PRKN: variants seen among roughly 807,000 people sequenced by gnomAD.
The protein encoded by PRKN is parkin RBR E3 ubiquitin protein ligase, also known as E3 ubiquitin-protein ligase parkin.
PRKN carries 56 observed loss-of-function variants against 59.5 expected under a neutral mutation model. The observed-to-expected ratio is 0.94, with a 90% confidence interval of 0.76 to 1.18. The LOEUF (loss-of-function observed/expected upper bound fraction) is 1.18. PRKN is among the 50% of genes most tolerant of loss of function. PRKN has a pLI of 0.00. For synonymous variants in PRKN, 250 were observed against 222.1 expected (o/e 1.13, Z -1.12); for missense variants, 657 against 596.4 (o/e 1.10, Z -1.06).
At chr6:161,622,595 T>C (rs1782947425) in intron 7 of PRKN, among the ~76,000 whole-genome samples, 1 of 152,146 alleles carries the variant, frequency 6.6e-6, no homozygotes. Context: ...CACCCCACAG[T>C]CCATGTGAGC....
intron 7 of PRKN, among the ~76,000 whole-genome samples, chr6:161,715,129 A>G (rs2128183584): frequency 6.6e-6 from 1 of 152,342 alleles, no homozygotes; most frequent in Admixed American, 6.5e-5. Context: ...TTTTATAACG[A>G]AAATGTGCAC....
At chr6:162,353,143 C>A (rs1472402579) in intron 2 of PRKN, among the ~76,000 whole-genome samples, 1 of 152,098 alleles carries the variant, frequency 6.6e-6, no homozygotes. Flanking sequence ...ATGCTCTCAA[C>A]CTCATCGTGT....
At chr6:162,067,675 G>T (rs1778395327) in intron 4 of PRKN, among the ~76,000 whole-genome samples, 1 of 152,186 alleles carries the variant, frequency 6.6e-6, no homozygotes, top group Non-Finnish European at 1.5e-5. Flanking sequence ...GAGCAATGGT[G>T]TAACGAATAT....
intron 1 of PRKN, among the ~76,000 whole-genome samples, chr6:162,488,738 G>A (rs115457054): frequency 6.6e-6 from 1 of 152,260 alleles, no homozygotes; most frequent in African/African-American, 2.4e-5. Context: ...GTTGGAAAAG[G>A]CCCCGACGCA....
At chr6:161,940,178 G>A (rs1469226079) in intron 6 of PRKN, among the ~76,000 whole-genome samples, 2 of 152,020 alleles carry the variant, frequency 1.3e-5, no homozygotes, top group South Asian at 2.1e-4. Context: ...TTATAGGCGT[G>A]AGCCACCACA....
At chr6:161,612,108 T>A (rs1782509572) in intron 7 of PRKN, among the ~76,000 whole-genome samples, 1 of 152,196 alleles carries the variant, frequency 6.6e-6, no homozygotes, top group African/African-American at 2.4e-5. Context: ...TATGAGAGGT[T>A]GGCTCATGAA....
At chr6:162,342,883 C>T (rs1332303043) in intron 2 of PRKN, among the ~76,000 whole-genome samples, 3 of 151,970 alleles carry the variant, frequency 2.0e-5, no homozygotes, top group Non-Finnish European at 4.4e-5. Flanking sequence ...TTTTATTTTC[C>T]AAGCAAACAC....
At chr6:162,644,374 G>A (rs1778083147) in intron 1 of PRKN, among the ~76,000 whole-genome samples, 2 of 152,140 alleles carry the variant, frequency 1.3e-5, no homozygotes, top group Non-Finnish European at 2.9e-5. Flanking sequence ...ACATGTACTT[G>A]CAGGATAAAA....
intron 9 of PRKN, among the ~76,000 whole-genome samples, chr6:161,435,056 T>G (rs116241970): frequency 0.012 from 1,843 of 152,230 alleles, 39 homozygotes; most frequent in African/African-American, 0.043. Context: ...TTTGGCCAAT[T>G]GCATTTTTGT....
rs1780142481 is a variant in PRKN at position 161,554,123 on chromosome 6, G to A, written c.934-5120C>T. Among the ~76,000 whole-genome samples the A allele has an allele frequency of 6.6e-6, 1 of 152,170 alleles. No homozygotes were observed. Among genetic ancestry groups the A allele is most frequent in the Non-Finnish European group, 1.5e-5 (1 of 68,026 alleles). On this transcript the variant is annotated intron_variant, in intron 8 of 11. Transcript: ENST00000366898. The surrounding 1 kb of genome is among the most constrained non-coding windows in gnomAD (Gnocchi z 4.5). ...ACTTAACATTTTCTGTTTTACCTCT[G>A]TTGCTCCTTTCTTCCACACTGGTTC...
At chr6:162,503,647 G>C (rs571583611) in intron 1 of PRKN, among the ~76,000 whole-genome samples, 17 of 152,256 alleles carry the variant, frequency 1.1e-4, no homozygotes, top group African/African-American at 4.1e-4. Context: ...GAATATAAAA[G>C]CCTTTTAACC....
At chr6:162,413,120 G>A (rs950224858) in intron 2 of PRKN, among the ~76,000 whole-genome samples, 9 of 152,246 alleles carry the variant, frequency 5.9e-5, no homozygotes, top group South Asian at 4.1e-4. Context: ...TAATAGGTAA[G>A]ACCAGTCTGG....
At chr6:162,687,434 T>C (rs762911972) in intron 1 of PRKN, among the ~76,000 whole-genome samples, 9 of 152,102 alleles carry the variant, frequency 5.9e-5, no homozygotes, top group Non-Finnish European at 1.2e-4. Flanking sequence ...TCCACCCGCC[T>C]TGGCCTCCCA....
At chr6:162,683,543 T>A (rs997842159) in intron 1 of PRKN, among the ~76,000 whole-genome samples, 2 of 152,172 alleles carry the variant, frequency 1.3e-5, no homozygotes, top group African/African-American at 2.4e-5. Context: ...TCACAGATCA[T>A]TAGCAAAGTA....
At chr6:162,185,281 T>TA (rs1431432899) in intron 4 of PRKN, among the ~76,000 whole-genome samples, 1 of 152,154 alleles carries the variant, frequency 6.6e-6, no homozygotes, top group Non-Finnish European at 1.5e-5. Flanking sequence ...AAGGTAAACT[T>TA]ACTTTTTCCC....
At chr6:162,709,331 A>C (rs1288986668) in intron 1 of PRKN, among the ~76,000 whole-genome samples, 2 of 151,740 alleles carry the variant, frequency 1.3e-5, no homozygotes, top group Non-Finnish European at 2.9e-5. Context: ...AAGGTTGGAG[A>C]CTACTGTCTT....
intron 1 of PRKN, among the ~76,000 whole-genome samples, chr6:162,688,045 T>C (rs1423797227): frequency 6.6e-6 from 1 of 152,212 alleles, no homozygotes; most frequent in African/African-American, 2.4e-5. Context: ...GGGTACTTTT[T>C]AGAATTATTC....
intron 2 of PRKN, among the ~76,000 whole-genome samples, chr6:162,397,350 C>A (rs1787525382): frequency 6.6e-6 from 1 of 152,094 alleles, no homozygotes; most frequent in African/African-American, 2.4e-5. Context: ...TCTAGGCCAA[C>A]ATTAATGCCA....
chr6:162,289,498 G>A (rs9347612), intron 2 of PRKN, among the ~76,000 whole-genome samples: 1 of 151,660 alleles, frequency 6.6e-6, no homozygotes, highest in African/African-American at 2.4e-5. Flanking sequence ...TCAGCAGTTC[G>A]AGACCATGGC....
Sources: gnomAD v4.1 joint callset for allele counts (sites outside exome capture counted in the v4.1 genomes callset) on GRCh38, gnomAD v4.1.1 for gene constraint, Gnocchi (gnomAD v3.1) non-coding constraint, MANE v1.5 for transcripts, NCBI Gene and HGNC (gene_info 2026-07-23, HGNC 2026-07-21) for gene names.